The following PDE6G variants were observed in gnomAD, a reference collection of about 807,000 sequenced individuals.
PDE6G encodes phosphodiesterase 6G.
Under a neutral mutation model 10.9 loss-of-function variants are expected in PDE6G, and 10 were observed. That is an observed-to-expected ratio of 0.91 (90% CI 0.56 to 1.55). The LOEUF is 1.55. Ranked by LOEUF, PDE6G falls within the 40% of genes most tolerant of loss-of-function variation. The probability of loss-of-function intolerance (pLI) is 0.00; values close to 1 mark genes in which losing one functional copy is unlikely to be tolerated. For missense variants in PDE6G, 102 were observed against 110.1 expected (o/e 0.93, Z 0.33); for synonymous variants, 41 against 42.8 (o/e 0.96, Z 0.16).
intron 1 of PDE6G, among the ~76,000 whole-genome samples, chr17:81,662,579 C>T (rs560155469): frequency 1.1e-4 from 16 of 152,056 alleles, no homozygotes; most frequent in African/African-American, 3.1e-4. Flanking sequence ...GCCGAGATCG[C>T]GCCACTGCAC....
Position 81,650,492 on chromosome 17 carries a change from G to C in PDE6G, c.*582C>G, listed in dbSNP as rs548594799. 1 of 452,920 alleles carries C rather than the reference G, an allele frequency of 2.2e-6. No homozygotes were observed. The highest frequency in any genetic ancestry group is 1.6e-5 in the South Asian group (1 of 64,458). 28.1% of individuals were successfully genotyped at this position (452,920 alleles called of 1,614,324 possible). A position where few individuals can be genotyped will look rare whatever the true frequency, so the allele number is the denominator to read the frequency against. ...CACACTAATTTTATTTTGAAATAGG[G>C]ACTGCAAGGGCAGGCTGTATTGAGA... On this transcript the variant is annotated 3_prime_UTR_variant, in exon 4 of 4. Coordinates refer to ENST00000331056, the MANE Select transcript of PDE6G (RefSeq NM_002602.4).
chr17:81,656,669 A>T, upstream of PDE6G: 1 of 703,012 alleles, frequency 1.4e-6, no homozygotes, highest in Non-Finnish European at 2.6e-6. Flanking sequence ...GGGGATGGAG[A>T]GGAGGGGCTC....
chr17:81,659,680 T>C (rs950957043), upstream of PDE6G, among the ~76,000 whole-genome samples: 7 of 152,334 alleles, frequency 4.6e-5, no homozygotes, highest in Non-Finnish European at 7.3e-5. Context: ...TTTTCATATC[T>C]TCACAATAAT....
chr17:81,656,964 T>A, upstream of PDE6G: 1 of 290,688 alleles, frequency 3.4e-6, no homozygotes, highest in Non-Finnish European at 6.7e-6. Flanking sequence ...CTGCTGCTCC[T>A]GAAACCAAAC....
At chr17:81,662,936 G>A (rs2036527289) in intron 1 of PDE6G, 1 of 152,218 alleles carries the variant, frequency 6.6e-6, no homozygotes, top group Non-Finnish European at 1.5e-5. Flanking sequence ...GGAGGCGGAG[G>A]CTACAGAACT....
intron 1 of PDE6G, among the ~76,000 whole-genome samples, chr17:81,655,960 C>T (rs2036440987): frequency 6.6e-6 from 1 of 152,204 alleles, no homozygotes; most frequent in Admixed American, 6.5e-5. Flanking sequence ...CAGCCTCTGT[C>T]CCCGGGACTG....
upstream of PDE6G, among the ~76,000 whole-genome samples, chr17:81,659,428 A>G (rs993043459): frequency 4.0e-5 from 6 of 151,316 alleles, no homozygotes; most frequent in Non-Finnish European, 8.8e-5. Flanking sequence ...GTGAAACCCC[A>G]TCTCTACTAA....
At chr17:81,661,415 A>G (rs2036509046), upstream of PDE6G, among the ~76,000 whole-genome samples, 1 of 152,192 alleles carries the variant, frequency 6.6e-6, no homozygotes, top group African/African-American at 2.4e-5. Context: ...TTCAAGCCAA[A>G]GACAAAAAGC....
upstream of PDE6G, among the ~76,000 whole-genome samples, chr17:81,661,218 A>C (rs556638716): frequency 1.6e-4 from 25 of 152,350 alleles, no homozygotes; most frequent in Non-Finnish European, 3.4e-4. Flanking sequence ...CTCCACATAC[A>C]GACACAGACA....
chr17:81,659,208 A>G (rs910347730), upstream of PDE6G, among the ~76,000 whole-genome samples: 1 of 139,400 alleles, frequency 7.2e-6, no homozygotes, highest in Non-Finnish European at 1.5e-5. Flanking sequence ...CCTAGGCTGG[A>G]ATGCAGAAGT....
chr17:81,661,447 T>G (rs1305689890), upstream of PDE6G, among the ~76,000 whole-genome samples: 2 of 152,230 alleles, frequency 1.3e-5, no homozygotes, highest in African/African-American at 2.4e-5. Flanking sequence ...CCAGGCACAG[T>G]GGCTCATGCC....
rs139062714 is a variant in PDE6G, at chr17:81,651,170, C to T, written c.188-20G>A. 55 of 1,592,944 alleles carry T rather than the reference C, an allele frequency of 3.5e-5. No individual in the cohort carries two copies. The highest frequency in any genetic ancestry group is 3.0e-4 in the Admixed American group (18 of 59,966). On this transcript the variant is annotated intron_variant, in intron 3 of 3. Transcript: ENST00000331056. The surrounding 1 kb of genome is among the most constrained non-coding windows in gnomAD (Gnocchi z 4.8). ...TGATGTCTGTGGGAGAAACGGGCCACGGATCAGAGAGGATCCCACGGCCTA... is the reference window on the plus strand; with the variant it reads ...TGATGTCTGTGGGAGAAACGGGCCATGGATCAGAGAGGATCCCACGGCCTA...
chr17:81,656,438 G>A (rs1054383025), intron 1 of PDE6G, 55 bp downstream of exon 1: 2 of 728,700 alleles, frequency 2.7e-6, no homozygotes, highest in African/African-American at 3.4e-5. Context: ...GACCCCCACT[G>A]ACTCACTGGG....
chr17:81,657,558 C>A (rs890665283), upstream of PDE6G, among the ~76,000 whole-genome samples: 1 of 152,204 alleles, frequency 6.6e-6, no homozygotes, highest in Non-Finnish European at 1.5e-5. Flanking sequence ...TATGACTTGC[C>A]TGTGACCTCT....
intron 1 of PDE6G, among the ~76,000 whole-genome samples, chr17:81,654,909 G>A (rs1029670026): frequency 1.3e-4 from 20 of 151,738 alleles, no homozygotes; most frequent in East Asian, 9.7e-4. Context: ...CACCACGCCC[G>A]GCTAATTTAT....
rs144191975 is a variant in PDE6G at position 81,651,675 on chromosome 17, C to T, written c.157G>A (p.Asp53Asn). The T allele has an allele frequency of 7.4e-6, 12 of 1,613,886 alleles. No homozygotes were observed. In the African/African-American group the frequency reaches 1.1e-4, roughly 14 times the overall value. ...PKKGVQGFGD[D>N]IPGMEGLGTD... is the part of the protein sequence containing the mutation. ...CCCAGGCCTTCCATTCCAGGGATGT[C>T]GTCCCCAAACCTGCAAGGACAGAGC... Residue 53 changes from aspartate to asparagine, a missense_variant, in exon 3 of 4, where the codon GAC becomes AAC. By Grantham distance (23) the Asp-to-Asn change is conservative. Coordinates refer to ENST00000331056, the MANE Select transcript of PDE6G (RefSeq NM_002602.4). This position sits in a 1 kb window ranked among gnomAD's most constrained non-coding sequence, Gnocchi z 4.8.
chr17:81,658,796 G>T (rs1019645633), upstream of PDE6G, among the ~76,000 whole-genome samples: 1 of 151,418 alleles, frequency 6.6e-6, no homozygotes, highest in Non-Finnish European at 1.5e-5. Flanking sequence ...AGCTGAGATT[G>T]CACCACTGCA....
intron 1 of PDE6G, among the ~76,000 whole-genome samples, chr17:81,655,074 T>C (rs1568188527): frequency 1.3e-5 from 2 of 152,258 alleles, no homozygotes; most frequent in South Asian, 2.1e-4. Context: ...CTGATTCTTA[T>C]TGATGGGTTT....
rs1489860670 is a variant in PDE6G at position 81,650,594 on chromosome 17, T to C, written c.*480A>G. On this transcript the variant is annotated 3_prime_UTR_variant, in exon 4 of 4. Coordinates refer to ENST00000331056, the MANE Select transcript of PDE6G (RefSeq NM_002602.4). ...CGCCCTGGAGTCCTGCTACCCAGCA[T>C]GTCCAAACTAAGGGCACCCCCCTGG... is the stretch of plus-strand genomic sequence containing the variant. 4.4e-6 allele frequency: 2 copies of C among 454,264 alleles called. No individual in the cohort carries two copies. The highest frequency in any genetic ancestry group is 4.0e-5 in the African/African-American group (2 of 50,028). The allele number at this position is 454,264 out of a possible 1,614,324, so 28.1% of individuals were successfully genotyped here. A position where few individuals can be genotyped will look rare whatever the true frequency, so the allele number is the denominator to read the frequency against.
Sources: allele counts gnomAD v4.1 joint callset (sites outside exome capture counted in the v4.1 genomes callset), GRCh38; gene constraint gnomAD v4.1.1; non-coding constraint Gnocchi (gnomAD v3.1); transcripts MANE v1.5; gene names NCBI Gene and HGNC (gene_info 2026-07-23, HGNC 2026-07-21).